ASB9: variants seen among roughly 807,000 people sequenced by gnomAD.
ASB9 encodes the protein ankyrin repeat and SOCS box containing 9.
ASB9 carries 5 observed loss-of-function variants against 16.6 expected under a neutral mutation model. The ratio of observed to expected loss-of-function variants is 0.30; its 90% CI spans 0.16 to 0.63. The LOEUF is 0.63. Ranked by LOEUF, ASB9 falls within the 30% of genes least tolerant of loss-of-function variation. The pLI is 0.82. For synonymous variants in ASB9, 100 were observed against 86.4 expected, an observed-to-expected ratio of 1.16 and a Z score of -0.87; for missense variants, 216 against 229.4, an observed-to-expected ratio of 0.94 and a Z score of 0.38.
intron 1 of ASB9, among the ~76,000 whole-genome samples, chrX:15,263,941 T>C (rs1926180304): frequency 9.0e-6 from 1 of 111,516 alleles, no homozygotes; most frequent in Non-Finnish European, 1.9e-5. Flanking sequence ...TATCCTTCAA[T>C]GTATTTTCCT....
intron 1 of ASB9, among the ~76,000 whole-genome samples, chrX:15,266,808 C>T (rs897121252): frequency 7.3e-5 from 8 of 109,153 alleles, no homozygotes; most frequent in East Asian, 2.9e-4. Context: ...TGGTGGCGGG[C>T]GCCTGTAGTC....
chrX:15,252,015 T>C (rs958664852), intron 4 of ASB9, among the ~76,000 whole-genome samples: 3 of 111,932 alleles, frequency 2.7e-5, no homozygotes, highest in African/African-American at 9.7e-5. Flanking sequence ...AGAAAGCAGC[T>C]GGAGGGCTTA....
At chrX:15,265,603 C>G (rs1227695591) in intron 1 of ASB9, among the ~76,000 whole-genome samples, 2 of 107,455 alleles carry the variant, frequency 1.9e-5, no homozygotes, top group African/African-American at 3.4e-5. Context: ...AGGCCCCCAC[C>G]CCAGGCCTAC....
chrX:15,266,250 T>C (rs1326536831), intron 1 of ASB9, among the ~76,000 whole-genome samples: 2 of 112,142 alleles, frequency 1.8e-5, no homozygotes, highest in Non-Finnish European at 3.8e-5. Flanking sequence ...GAAGCTGCAT[T>C]ATCTGTATTT....
In ASB9 at chrX:15,252,316, T is replaced by C. The variant is rs760832405; in HGVS notation, c.371A>G (p.His124Arg). 7.4e-6 allele frequency: 9 copies of C among 1,211,548 alleles called. No individual in the cohort carries two copies. Among genetic ancestry groups the C allele is most frequent in the Non-Finnish European group, 7.8e-6 (7 of 895,400 alleles). Residue 124 changes from histidine to arginine, a missense_variant, in exon 4 of 7, where the codon CAC becomes CGC. Transcript: ENST00000380488. ...ACTCTCAGGTTGAACGCTGGCTCCGTGCTGCAGAAGCAAATTCACACAATC... is the reference window on the plus strand; with the variant it reads ...ACTCTCAGGTTGAACGCTGGCTCCGCGCTGCAGAAGCAAATTCACACAATC... The part of the protein sequence containing the change: ...SWDCVNLLLQ[H>R]GASVQPESDL...
intron 1 of ASB9, among the ~76,000 whole-genome samples, chrX:15,266,230 T>C (rs758603879): frequency 3.6e-5 from 4 of 112,099 alleles, no homozygotes; most frequent in Admixed American, 9.4e-5. Flanking sequence ...TGAGCCACCG[T>C]GCCCAGCCAG....
intron 2 of ASB9, among the ~76,000 whole-genome samples, chrX:15,255,115 A>G (rs924696289): frequency 2.7e-5 from 3 of 111,948 alleles, no homozygotes; most frequent in African/African-American, 9.8e-5. Context: ...TCTTAGGTAT[A>G]TATACATCTA....
At chrX:15,263,707 C>A (rs1926161633) in intron 1 of ASB9, among the ~76,000 whole-genome samples, 1 of 111,177 alleles carries the variant, frequency 9.0e-6, no homozygotes, top group Non-Finnish European at 1.9e-5. Flanking sequence ...TCCTGAGGTG[C>A]CCCAATATCT....
intron 1 of ASB9, among the ~76,000 whole-genome samples, chrX:15,259,874 T>A (rs1223967968): frequency 8.9e-6 from 1 of 112,344 alleles, no homozygotes; most frequent in Non-Finnish European, 1.9e-5. Context: ...ATATAAAACA[T>A]AAATGCATTT....
intron 3 of ASB9, 101 bp from the exon 4 acceptor site, chrX:15,252,505 T>A: frequency 2.4e-6 from 2 of 823,392 alleles, no homozygotes; most frequent in Non-Finnish European, 3.3e-6. Flanking sequence ...CTCTGAGCCT[T>A]AAATTCCTCA....
At chrX:15,263,879 C>T in intron 1 of ASB9, among the ~76,000 whole-genome samples, 1 of 111,863 alleles carries the variant, frequency 8.9e-6, no homozygotes. Context: ...AAGATAGACA[C>T]TAACACTGGG....
chrX:15,248,942 A>C lies in ASB9; in HGVS notation c.569-7T>G. Reference sequence around the variant, plus strand: ...CCTTGGTTCACGTCCGCTCCTAAACAGTCACGAGAACAAAAAAGAGTCAGC... The same window carrying C: ...CCTTGGTTCACGTCCGCTCCTAAACCGTCACGAGAACAAAAAAGAGTCAGC... On this transcript the variant is annotated splice_region_variant and splice_polypyrimidine_tract_variant and intron_variant, in intron 5 of 6. Transcript: ENST00000380488. 2.6e-6 allele frequency: 3 copies of C among 1,153,515 alleles called. No homozygotes were observed. Among genetic ancestry groups the C allele is most frequent in the Non-Finnish European group, 3.5e-6 (3 of 865,632 alleles).
chrX:15,267,416 A>AT (rs1555934618), intron 1 of ASB9, among the ~76,000 whole-genome samples: 1,223 of 69,288 alleles, frequency 0.018, 6 homozygotes, highest in Non-Finnish European at 0.024. Flanking sequence ...TCTAAAAAAA[A>AT]AATATATATA....
At chrX:15,253,470 C>T (rs563941749) in intron 3 of ASB9, among the ~76,000 whole-genome samples, 25 of 105,077 alleles carry the variant, frequency 2.4e-4, no homozygotes, top group African/African-American at 8.4e-4. Flanking sequence ...TGTGGTGGTG[C>T]GTGCCTATAA....
At chrX:15,250,004 A>G (rs1030505896) in intron 5 of ASB9, among the ~76,000 whole-genome samples, 2 of 112,045 alleles carry the variant, frequency 1.8e-5, no homozygotes, top group African/African-American at 6.5e-5. Context: ...AAAATATAAT[A>G]TTTGCAATGG....
intron 2 of ASB9, among the ~76,000 whole-genome samples, chrX:15,256,641 G>A (rs1925572309): frequency 9.5e-6 from 1 of 104,833 alleles, no homozygotes; most frequent in African/African-American, 3.5e-5. Flanking sequence ...GCCGGGCGAG[G>A]TGGGGGACAC....
intron 6 of ASB9, among the ~76,000 whole-genome samples, chrX:15,247,943 C>G (rs760541138): frequency 1.8e-5 from 2 of 112,449 alleles, no homozygotes; most frequent in Non-Finnish European, 3.8e-5. Flanking sequence ...TACTGCTCAT[C>G]ATGTGGGGAG....
At chrX:15,247,250 G>A (rs1384639049) in intron 6 of ASB9, among the ~76,000 whole-genome samples, 1 of 111,873 alleles carries the variant, frequency 8.9e-6, no homozygotes, top group Non-Finnish European at 1.9e-5. Flanking sequence ...ACTCATGGAG[G>A]CAAAACAAGT....
intron 6 of ASB9, among the ~76,000 whole-genome samples, chrX:15,248,151 C>T (rs1444899831): frequency 9.2e-6 from 1 of 109,236 alleles, no homozygotes; most frequent in African/African-American, 3.4e-5. Context: ...CAGCCCAGCC[C>T]AGGCCTCAAA....
Sources: allele counts gnomAD v4.1 joint callset (sites outside exome capture counted in the v4.1 genomes callset), GRCh38; gene constraint gnomAD v4.1.1; transcripts MANE v1.5; gene names NCBI Gene and HGNC (gene_info 2026-07-23, HGNC 2026-07-21).